SLC60A1: variants seen among roughly 807,000 people sequenced by gnomAD.
The protein encoded by SLC60A1 is major facilitator superfamily domain containing 4.
the SLC60A1 span, chr1:205,586,288 G>T: frequency 2.6e-6 from 4 of 1,522,392 alleles, no homozygotes; most frequent in Non-Finnish European, 3.6e-6. Context: ...CAGGACGTTT[G>T]CCCAGGCCTA....
the SLC60A1 span, among the ~76,000 whole-genome samples, chr1:205,571,906 G>A: frequency 6.6e-6 from 1 of 152,210 alleles, no homozygotes; most frequent in Admixed American, 6.5e-5. Context: ...TTGCGGGGGA[G>A]TGGGGGAAAG....
the SLC60A1 span, among the ~76,000 whole-genome samples, chr1:205,573,541 A>G: frequency 6.8e-6 from 1 of 147,372 alleles, no homozygotes; most frequent in Non-Finnish European, 1.5e-5. Context: ...GCTAAGTGAA[A>G]GAAGACAGAC....
the SLC60A1 span, among the ~76,000 whole-genome samples, chr1:205,594,067 A>G: frequency 6.6e-6 from 1 of 152,212 alleles, no homozygotes; most frequent in Non-Finnish European, 1.5e-5. Flanking sequence ...TGCATCAGCC[A>G]GTCATCATCC....
chr1:205,585,439 A>G, the SLC60A1 span, among the ~76,000 whole-genome samples: 2 of 152,210 alleles, frequency 1.3e-5, no homozygotes, highest in African/African-American at 2.4e-5. The surrounding 1 kb of genome is among the most constrained non-coding windows in gnomAD (Gnocchi z 4.2). Flanking sequence ...TCATGCCACT[A>G]GTGACCTCTG....
At chr1:205,596,784 C>T in the SLC60A1 span, among the ~76,000 whole-genome samples, 9 of 152,068 alleles carry the variant, frequency 5.9e-5, no homozygotes, top group East Asian at 7.7e-4. Flanking sequence ...GAGGGGCTTG[C>T]GCAGAGAGTT....
chr1:205,582,421 G>A, the SLC60A1 span, among the ~76,000 whole-genome samples: 2 of 152,228 alleles, frequency 1.3e-5, no homozygotes, highest in Non-Finnish European at 2.9e-5. Context: ...ACACACACAT[G>A]TGCACCCCAC....
At chr1:205,579,999 G>A in the SLC60A1 span, 4 of 1,557,472 alleles carry the variant, frequency 2.6e-6, no homozygotes, top group Non-Finnish European at 3.5e-6. Flanking sequence ...GGGCATGGGA[G>A]CTCCCTAGGC....
chr1:205,598,117 A>C, the SLC60A1 span: 2 of 387,446 alleles, frequency 5.2e-6, no homozygotes, highest in South Asian at 2.6e-5. Flanking sequence ...GCAGGGCCAG[A>C]GGGGGCCCGT....
At chr1:205,585,686 C>CTT in the SLC60A1 span, among the ~76,000 whole-genome samples, 1 of 143,916 alleles carries the variant, frequency 6.9e-6, no homozygotes, top group Admixed American at 6.8e-5. This position sits in a 1 kb window ranked among gnomAD's most constrained non-coding sequence, Gnocchi z 4.2. Flanking sequence ...TTGCACACAC[C>CTT]TTTTTTTTTT....
the SLC60A1 span, among the ~76,000 whole-genome samples, chr1:205,570,057 C>G: frequency 6.6e-6 from 1 of 152,158 alleles, no homozygotes; most frequent in African/African-American, 2.4e-5. Context: ...CCACTCCCCA[C>G]CCACCTCATC....
chr1:205,577,348 C>T, the SLC60A1 span, among the ~76,000 whole-genome samples: 9 of 152,306 alleles, frequency 5.9e-5, no homozygotes, highest in African/African-American at 1.7e-4. The surrounding 1 kb of genome is among the most constrained non-coding windows in gnomAD (Gnocchi z 5.2). Flanking sequence ...CCAAGCACTG[C>T]GCCGGTCACT....
the SLC60A1 span, chr1:205,586,300 A>G: frequency 4.8e-6 from 7 of 1,447,254 alleles, no homozygotes; most frequent in Non-Finnish European, 5.7e-6. Flanking sequence ...CCAGGCCTAC[A>G]TTCTGCCAGC....
the SLC60A1 span, chr1:205,597,585 C>G: frequency 2.0e-5 from 10 of 511,576 alleles, no homozygotes; most frequent in Non-Finnish European, 3.6e-5. Context: ...TTGTAGAGAC[C>G]AAGTCTTGTG....
the SLC60A1 span, chr1:205,598,906 G>A: frequency 1.7e-6 from 1 of 576,096 alleles, no homozygotes; most frequent in Non-Finnish European, 3.1e-6. Flanking sequence ...ACTGCAGGGG[G>A]TCACCAGGTC....
the SLC60A1 span, among the ~76,000 whole-genome samples, chr1:205,593,193 G>C: frequency 6.6e-6 from 1 of 152,024 alleles, no homozygotes; most frequent in African/African-American, 2.4e-5. Context: ...ATTTCTGGCC[G>C]CGCGGGGTGG....
the SLC60A1 span, chr1:205,598,390 A>C: frequency 6.5e-6 from 1 of 153,602 alleles, no homozygotes; most frequent in African/African-American, 2.4e-5. Context: ...GAATACTATA[A>C]TGTAGATATT....
the SLC60A1 span, chr1:205,594,926 T>C: frequency 0.64 from 97,923 of 152,082 alleles, 32,193 homozygotes; most frequent in African/African-American, 0.71. Context: ...AACCCAGTGA[T>C]TGGGCCTTAC....
chr1:205,594,660 A>T, the SLC60A1 span, among the ~76,000 whole-genome samples: 1 of 152,152 alleles, frequency 6.6e-6, no homozygotes, highest in Non-Finnish European at 1.5e-5. Flanking sequence ...AAAAAAAAAA[A>T]AAAAGTGATA....
the SLC60A1 span, chr1:205,591,962 C>T: frequency 8.7e-5 from 65 of 750,336 alleles, no homozygotes; most frequent in East Asian, 1.8e-3. Context: ...GATGTCAGAA[C>T]GGTCCCCGGA....
Sources: allele counts gnomAD v4.1 joint callset (sites outside exome capture counted in the v4.1 genomes callset), GRCh38; gene constraint gnomAD v4.1.1; non-coding constraint Gnocchi (gnomAD v3.1); transcripts MANE v1.5; gene names NCBI Gene and HGNC (gene_info 2026-07-23, HGNC 2026-07-21).